Variants in DLGAP4 observed in about 807,000 individuals in gnomAD.
The protein encoded by DLGAP4 is disks large-associated protein 4.
In DLGAP4, 18 loss-of-function variants were observed where a neutral mutation model predicts 86.9. The observed-to-expected ratio is 0.21, with a 90% confidence interval of 0.14 to 0.31. DLGAP4 has a LOEUF of 0.31. Among genes scored for constraint, DLGAP4 ranks in the 10% least tolerant of loss-of-function variants. The probability of loss-of-function intolerance (pLI) is 1.00; values close to 1 mark genes in which losing one functional copy is unlikely to be tolerated. For missense variants in DLGAP4, 1,085 were observed against 1,362.6 expected (o/e 0.80, Z 3.21); for synonymous variants, 548 against 574.3 (o/e 0.95, Z 0.65).
At chr20:36,346,987 T>C (rs1367791204) in intron 1 of DLGAP4, among the ~76,000 whole-genome samples, 4 of 152,124 alleles carry the variant, frequency 2.6e-5, no homozygotes, top group Admixed American at 6.5e-5. Context: ...TGAGAGAACA[T>C]TGACAGGTCT....
At chr20:36,507,897 AAACAAG>A (rs2036467691) in intron 10 of DLGAP4, 2 of 152,258 alleles carry the variant, frequency 1.3e-5, no homozygotes, top group South Asian at 4.1e-4. Flanking sequence ...CCTGGCACTT[AAACAAG>A]GATGACTCAA....
At chr20:36,511,426 A>C (rs2036688140) in intron 10 of DLGAP4, among the ~76,000 whole-genome samples, 1 of 149,476 alleles carries the variant, frequency 6.7e-6, no homozygotes, top group African/African-American at 2.5e-5. Flanking sequence ...CTGGTCTTGA[A>C]CTCCTGGGCT....
intron 12 of DLGAP4, among the ~76,000 whole-genome samples, chr20:36,526,545 C>G (rs563697878): frequency 1.3e-5 from 2 of 152,026 alleles, no homozygotes; most frequent in Admixed American, 1.3e-4. Flanking sequence ...CCCGGTGATT[C>G]AACATGAGGG....
At chr20:36,398,033 A>G (rs1175622260) in intron 2 of DLGAP4, among the ~76,000 whole-genome samples, 1 of 152,228 alleles carries the variant, frequency 6.6e-6, no homozygotes, top group African/African-American at 2.4e-5. Context: ...AGGCAAGAGA[A>G]TCGCTTGAAC....
At chr20:36,363,389 G>T (rs1455727312) in intron 1 of DLGAP4, among the ~76,000 whole-genome samples, 3 of 152,202 alleles carry the variant, frequency 2.0e-5, no homozygotes, top group African/African-American at 7.2e-5. Flanking sequence ...ATTTCCTCTG[G>T]CTTCTGTGCT....
chr20:36,500,753 TTTCTTCGCA>T lies in DLGAP4; in HGVS notation c.2512+149_2512+157del. 1 of 730,006 alleles carries T rather than the reference TTTCTTCGCA, an allele frequency of 1.4e-6. No individual in the cohort carries two copies. Among genetic ancestry groups the T allele is most frequent in the South Asian group, 5.0e-5 (1 of 19,828 alleles). The allele number at this position is 730,006 out of a possible 1,614,324, so 45.2% of individuals were successfully genotyped here. Reference sequence around the variant, plus strand: ...GCTAGTTTTTGAGCTCCCTTCTTACTTTCTTCGCATTCTTCCATCCATCCACCTATTTAA... The same window carrying T: ...GCTAGTTTTTGAGCTCCCTTCTTACTTTCTTCCATCCATCCACCTATTTAA... On this transcript the variant is annotated intron_variant, in intron 10 of 12. Coordinates refer to ENST00000339266, the MANE Select transcript of DLGAP4 (RefSeq NM_001365621.2). This position sits in a 1 kb window ranked among gnomAD's most constrained non-coding sequence, Gnocchi z 4.6.
chr20:36,502,553 C>T (rs906696500), intron 10 of DLGAP4, among the ~76,000 whole-genome samples: 4 of 151,468 alleles, frequency 2.6e-5, no homozygotes, highest in African/African-American at 4.8e-5. Context: ...GGTCTCCCTG[C>T]GTTGCCTAGG....
At chr20:36,525,783 T>TG in intron 11 of DLGAP4, 68 bp from the exon 12 acceptor site, 3 of 1,591,858 alleles carry the variant, frequency 1.9e-6, no homozygotes, top group Non-Finnish European at 1.7e-6. Flanking sequence ...CCCTGCTTGT[T>TG]GGGGGGTTGG....
At chr20:36,316,244 C>T (rs2065098257) in intron 1 of DLGAP4, among the ~76,000 whole-genome samples, 2 of 152,202 alleles carry the variant, frequency 1.3e-5, no homozygotes, top group Non-Finnish European at 1.5e-5. Flanking sequence ...TCCAGCTGCT[C>T]ATGGCCCAGA....
intron 2 of DLGAP4, among the ~76,000 whole-genome samples, chr20:36,378,224 T>C (rs991962618): frequency 6.6e-6 from 1 of 152,168 alleles, no homozygotes; most frequent in Admixed American, 6.5e-5. Flanking sequence ...ACTTCCTGTC[T>C]CTGTGATCTC....
intron 10 of DLGAP4, among the ~76,000 whole-genome samples, chr20:36,503,063 A>G (rs1393070965): frequency 4.6e-5 from 7 of 152,012 alleles, no homozygotes; most frequent in African/African-American, 9.7e-5. Flanking sequence ...TCTCACTTCT[A>G]TTTGTTCTGT....
intron 7 of DLGAP4, among the ~76,000 whole-genome samples, chr20:36,466,956 CTCTCTCTCTG>C (rs2034392923): frequency 6.6e-6 from 1 of 150,854 alleles, no homozygotes; most frequent in African/African-American, 2.5e-5. Context: ...GTCTCTCTCT[CTCTCTCTCTG>C]TCTCTCTCCT....
chr20:36,515,566 G>C (rs1309997529), intron 10 of DLGAP4, among the ~76,000 whole-genome samples: 1 of 152,230 alleles, frequency 6.6e-6, no homozygotes. Flanking sequence ...TATTTTGGGG[G>C]ATTTGTGCTT....
At chr20:36,512,261 A>G (rs375690296) in intron 10 of DLGAP4, among the ~76,000 whole-genome samples, 8 of 151,944 alleles carry the variant, frequency 5.3e-5, no homozygotes, top group South Asian at 2.1e-4. Context: ...CGTGTTAGCC[A>G]GGATGGTCTT....
At position 36,500,261 on chromosome 20, in the gene DLGAP4, C is replaced by T; in HGVS notation, c.2162C>T (p.Ala721Val). The T allele has an allele frequency of 6.2e-7, 1 of 1,611,132 alleles. No individual in the cohort carries two copies. Among genetic ancestry groups the T allele is most frequent in the Non-Finnish European group, 8.5e-7 (1 of 1,178,506 alleles). The change falls in exon 10 of 13, where the codon GCC becomes GTC. Residue 721 changes from alanine (A) to valine (V), a missense_variant. Around this residue, in one of 2 missense-constraint regions of DLGAP4, gnomAD observed 1,082 missense variants for 1,344.1 expected, o/e 0.81. Coordinates refer to ENST00000339266, the MANE Select transcript of DLGAP4 (RefSeq NM_001365621.2). This position sits in a 1 kb window ranked among gnomAD's most constrained non-coding sequence, Gnocchi z 4.6. The part of the protein sequence containing the change: ...RRDTDSDTQD[A>V]NDSSCKSSER... ...GACACAGACTCGGATACCCAGGATG[C>T]CAATGACTCAAGCTGTAAGTCATCT...
chr20:36,318,150 A>G (rs2065129074), intron 1 of DLGAP4, among the ~76,000 whole-genome samples: 1 of 118,956 alleles, frequency 8.4e-6, no homozygotes, highest in African/African-American at 2.7e-5. Context: ...ACACACACAC[A>G]CACACACAGT....
At chr20:36,444,148 T>C (rs2033528057) in intron 6 of DLGAP4, among the ~76,000 whole-genome samples, 2 of 152,230 alleles carry the variant, frequency 1.3e-5, no homozygotes, top group South Asian at 4.1e-4. Flanking sequence ...TTAACACTCC[T>C]TCTGAGTGAA....
chr20:36,358,118 TACTC>T (rs1241667261), intron 1 of DLGAP4, among the ~76,000 whole-genome samples: 1 of 152,202 alleles, frequency 6.6e-6, no homozygotes, highest in African/African-American at 2.4e-5. Context: ...CTGTGGCCCA[TACTC>T]ACTGCTAATT....
At chr20:36,382,068 C>A (rs2031412646) in intron 2 of DLGAP4, among the ~76,000 whole-genome samples, 2 of 152,272 alleles carry the variant, frequency 1.3e-5, no homozygotes, top group Admixed American at 6.5e-5. Context: ...ATGGGCTGTG[C>A]TGGGTACCCC....
Sources: gnomAD v4.1 joint callset for allele counts (sites outside exome capture counted in the v4.1 genomes callset) on GRCh38, gnomAD v4.1.1 for gene constraint, gnomAD v4.1.1 regional missense constraint, Gnocchi (gnomAD v3.1) non-coding constraint, MANE v1.5 for transcripts, NCBI Gene and HGNC (gene_info 2026-07-23, HGNC 2026-07-21) for gene names.